The following UBE2R2 variants were observed in gnomAD, a reference collection of about 807,000 sequenced individuals.
The protein encoded by UBE2R2 is ubiquitin-conjugating enzyme E2 R2.
Under a neutral mutation model 27.8 loss-of-function variants are expected in UBE2R2, and 1 was observed. The ratio of observed to expected loss-of-function variants is 0.04; its 90% confidence interval spans 0.01 to 0.17. The LOEUF is 0.17. Among genes scored for constraint, UBE2R2 ranks in the 10% least tolerant of loss-of-function variants. The probability of loss-of-function intolerance (pLI) is 1.00; values close to 1 mark genes in which losing one functional copy is unlikely to be tolerated. For synonymous variants in UBE2R2, 106 were observed against 113.3 expected, an observed-to-expected ratio of 0.94 and a Z score of 0.41; for missense variants, 100 against 291.0, an observed-to-expected ratio of 0.34 and a Z score of 4.78.
intron 1 of UBE2R2, among the ~76,000 whole-genome samples, chr9:33,848,330 T>C (rs1057413827): frequency 2.6e-5 from 4 of 152,154 alleles, no homozygotes; most frequent in African/African-American, 4.8e-5. Context: ...TCTCCTCTTA[T>C]CAGTCATTCT....
rs547209321 is a variant in UBE2R2 at position 33,854,269 on chromosome 9, C to T, written c.178-32612C>T. On this transcript the variant is annotated intron_variant, in intron 1 of 4. Transcript: ENST00000263228. ...TGTAAACGTGTACTTGAAAAGACTT[C>T]CTTCTTTATCTTTGCTGTGTACAGA... Among the ~76,000 whole-genome samples, 4 of 151,780 alleles carry T rather than the reference C, an allele frequency of 2.6e-5. No individual in the cohort carries two copies. In the East Asian group the frequency reaches 5.8e-4, roughly 22 times the overall value.
intron 1 of UBE2R2, among the ~76,000 whole-genome samples, chr9:33,825,790 T>G (rs1311735745): frequency 6.6e-6 from 1 of 152,242 alleles, no homozygotes; most frequent in Non-Finnish European, 1.5e-5. Flanking sequence ...GGTTTAATTC[T>G]TTTATGTTTC....
Position 33,902,252 on chromosome 9 carries a change from GT to G in UBE2R2, c.362+1983del, listed in dbSNP as rs149010242. ...TTTTGTAAAGATGGGGTCTCACCAT[GT>G]TGCCCAGGCTGGTCTGAAACCCATG... On this transcript the variant is annotated intron_variant, in intron 3 of 4. Transcript: ENST00000263228. Among the ~76,000 whole-genome samples the G allele has an allele frequency of 3.1e-3, 476 of 152,232 alleles. 3 individuals are homozygous for G. Among genetic ancestry groups the G allele is most frequent in the African/African-American group, 0.011 (441 of 41,540 alleles).
chr9:33,897,353 T>C (rs1231628474), intron 2 of UBE2R2, among the ~76,000 whole-genome samples: 1 of 149,840 alleles, frequency 6.7e-6, no homozygotes, highest in African/African-American at 2.5e-5. Context: ...GTTTCGCTTT[T>C]GTTGCCCAGG....
intron 1 of UBE2R2, among the ~76,000 whole-genome samples, chr9:33,834,892 A>G (rs1483885450): frequency 2.6e-5 from 4 of 151,112 alleles, no homozygotes; most frequent in African/African-American, 4.9e-5. Context: ...CCTGGGCAAC[A>G]AGACCGAAAC....
intron 1 of UBE2R2, among the ~76,000 whole-genome samples, chr9:33,884,427 ACAC>A (rs1325093078): frequency 6.6e-6 from 1 of 150,684 alleles, no homozygotes; most frequent in Non-Finnish European, 1.5e-5. Context: ...GGGACCACAG[ACAC>A]CACCATACCC....
intron 2 of UBE2R2, 112 bp downstream of exon 2, chr9:33,887,079 AATATTAATG>A: frequency 2.4e-6 from 2 of 840,942 alleles, no homozygotes; most frequent in Non-Finnish European, 3.7e-6. Context: ...GCCATAGAGA[AATATTAATG>A]ATTTTGCACT....
At chr9:33,872,097 A>G (rs1388132054) in intron 1 of UBE2R2, among the ~76,000 whole-genome samples, 4 of 151,628 alleles carry the variant, frequency 2.6e-5, no homozygotes, top group Non-Finnish European at 2.9e-5. Flanking sequence ...ATTAAAGACT[A>G]TTTTTTTAGC....
At chr9:33,853,288 CTT>C (rs71506143) in intron 1 of UBE2R2, among the ~76,000 whole-genome samples, 9 of 115,330 alleles carry the variant, frequency 7.8e-5, no homozygotes, top group Admixed American at 2.0e-4. Context: ...TTTTCTCTCT[CTT>C]TTTTTTTTTT....
At chr9:33,876,924 A>C (rs1304963042) in intron 1 of UBE2R2, among the ~76,000 whole-genome samples, 1 of 150,430 alleles carries the variant, frequency 6.6e-6, no homozygotes, top group Non-Finnish European at 1.5e-5. Flanking sequence ...AAAAACAAAT[A>C]AAATAAATAA....
At chr9:33,855,518 T>C (rs1821081988) in intron 1 of UBE2R2, among the ~76,000 whole-genome samples, 1 of 152,134 alleles carries the variant, frequency 6.6e-6, no homozygotes, top group Admixed American at 6.5e-5. Flanking sequence ...ATTGGGGAAA[T>C]AATGGAAATC....
At chr9:33,894,476 T>C (rs1822054469) in intron 2 of UBE2R2, among the ~76,000 whole-genome samples, 1 of 152,148 alleles carries the variant, frequency 6.6e-6, no homozygotes, top group Admixed American at 6.6e-5. Context: ...TCTTGCTCTG[T>C]TGCCCAGGCT....
chr9:33,816,666 A>G (rs1825767420), upstream of UBE2R2, among the ~76,000 whole-genome samples: 1 of 152,192 alleles, frequency 6.6e-6, no homozygotes, highest in South Asian at 2.1e-4. Context: ...AAAGACCCAC[A>G]TTGTCAGCAC....
chr9:33,819,683 G>A (rs191237509), intron 1 of UBE2R2, among the ~76,000 whole-genome samples: 1 of 149,582 alleles, frequency 6.7e-6, no homozygotes, highest in African/African-American at 2.5e-5. Context: ...CTGTCACCCT[G>A]GCTGGAGTGC....
At chr9:33,897,100 G>C (rs546374573) in intron 2 of UBE2R2, among the ~76,000 whole-genome samples, 7 of 126,332 alleles carry the variant, frequency 5.5e-5, no homozygotes, top group African/African-American at 1.2e-4. Context: ...GCAGTGGCGC[G>C]ATCTCAGCTC....
chr9:33,891,683 G>A (rs1027447709), intron 2 of UBE2R2, among the ~76,000 whole-genome samples: 4 of 151,964 alleles, frequency 2.6e-5, no homozygotes, highest in Non-Finnish European at 4.4e-5. Context: ...AAAGACAAGC[G>A]CTTTGGTCAC....
At chr9:33,841,015 C>G (rs902810846) in intron 1 of UBE2R2, among the ~76,000 whole-genome samples, 1 of 152,048 alleles carries the variant, frequency 6.6e-6, no homozygotes, top group Admixed American at 6.6e-5. Flanking sequence ...ACCTCTGCCC[C>G]CCGGGTTCAA....
At chr9:33,817,147 T>A (rs1176443607), upstream of UBE2R2, among the ~76,000 whole-genome samples, 1 of 38,106 alleles carries the variant, frequency 2.6e-5, no homozygotes, top group Non-Finnish European at 5.5e-5. Flanking sequence ...TCTCCCTCCC[T>A]CCCTCCCTCC....
In UBE2R2 at chr9:33,897,775, CT is replaced by C. The variant is rs35277355; in HGVS notation, c.265-2382del. 2.1e-3 allele frequency among the ~76,000 whole-genome samples: 270 copies of C among 127,942 alleles called. 1 individual carries two copies. The highest frequency in any genetic ancestry group is 5.8e-3 in the African/African-American group (194 of 33,262). 83.9% of individuals were successfully genotyped at this position (127,942 alleles called of 152,430 possible). A position where few individuals can be genotyped will look rare whatever the true frequency, so the allele number is the denominator to read the frequency against. On this transcript the variant is annotated intron_variant, in intron 2 of 4. Coordinates refer to ENST00000263228, the MANE Select transcript of UBE2R2 (RefSeq NM_017811.4). Reference sequence around the variant, plus strand: ...ATACCAAGTTTCTCTTTTCTTTTTTCTTTTTTTTTTTTTTTTTGAGATGGAG... The same window carrying C: ...ATACCAAGTTTCTCTTTTCTTTTTTCTTTTTTTTTTTTTTTTGAGATGGAG...
Sources: gnomAD v4.1 joint callset for allele counts (sites outside exome capture counted in the v4.1 genomes callset) on GRCh38, gnomAD v4.1.1 for gene constraint, MANE v1.5 for transcripts, NCBI Gene and HGNC (gene_info 2026-07-23, HGNC 2026-07-21) for gene names.